The following OTUD7A variants were observed in gnomAD, a reference collection of about 807,000 sequenced individuals.
The protein encoded by OTUD7A is OTU domain-containing protein 7A.
OTUD7A carries 12 observed loss-of-function variants against 65.7 expected under a neutral mutation model. The ratio of observed to expected loss-of-function variants is 0.18; its 90% CI spans 0.12 to 0.30. OTUD7A has a LOEUF of 0.30. Among genes scored for constraint, OTUD7A ranks in the 10% least tolerant of loss-of-function variants. The pLI is 1.00. For synonymous variants in OTUD7A, 641 were observed against 586.3 expected (o/e 1.09, Z -1.35); for missense variants, 1,148 against 1,304.8 (o/e 0.88, Z 1.85).
intron 1 of OTUD7A, among the ~76,000 whole-genome samples, chr15:31,791,167 C>T (rs1172712294): frequency 2.0e-5 from 3 of 152,146 alleles, no homozygotes; most frequent in Non-Finnish European, 4.4e-5. Flanking sequence ...GCTGGGACTA[C>T]AGGTACATGC....
intron 3 of OTUD7A, among the ~76,000 whole-genome samples, chr15:31,616,092 C>G (rs564668787): frequency 3.3e-5 from 5 of 152,356 alleles, no homozygotes; most frequent in East Asian, 1.9e-4. Context: ...AACCTCTTAG[C>G]TGCAGCGCAG....
chr15:31,801,237 C>T (rs1218985787), intron 1 of OTUD7A, among the ~76,000 whole-genome samples: 1 of 152,196 alleles, frequency 6.6e-6, no homozygotes, highest in Non-Finnish European at 1.5e-5. Context: ...CGGCCTCGAA[C>T]CCCAGGCAAC....
chr15:31,623,983 G>A (rs1355665001), intron 3 of OTUD7A, among the ~76,000 whole-genome samples: 3 of 152,196 alleles, frequency 2.0e-5, no homozygotes, highest in Non-Finnish European at 2.9e-5. Context: ...GTACAGTTAT[G>A]TTGTAATTTC....
At chr15:31,844,890 G>T (rs1897262062) in intron 1 of OTUD7A, among the ~76,000 whole-genome samples, 1 of 152,144 alleles carries the variant, frequency 6.6e-6, no homozygotes, top group African/African-American at 2.4e-5. Flanking sequence ...ACTGCCTCGG[G>T]GACCATTCCC....
chr15:31,793,320 A>C (rs535762083), intron 1 of OTUD7A, among the ~76,000 whole-genome samples: 2 of 152,116 alleles, frequency 1.3e-5, no homozygotes, highest in Admixed American at 6.5e-5. Flanking sequence ...GTGAAGGAGA[A>C]CCCCACACTG....
chr15:31,788,880 T>C (rs1210600344), intron 1 of OTUD7A, among the ~76,000 whole-genome samples: 1 of 152,194 alleles, frequency 6.6e-6, no homozygotes, highest in Non-Finnish European at 1.5e-5. Flanking sequence ...TAAGGCTTTA[T>C]TTTTAATGTT....
intron 3 of OTUD7A, among the ~76,000 whole-genome samples, chr15:31,593,065 A>C (rs1331310213): frequency 6.6e-6 from 1 of 151,196 alleles, no homozygotes; most frequent in African/African-American, 2.4e-5. Flanking sequence ...ATCAAGTATT[A>C]TGTACTGTAC....
At chr15:31,562,428 C>G (rs1888721030) in intron 4 of OTUD7A, among the ~76,000 whole-genome samples, 1 of 152,172 alleles carries the variant, frequency 6.6e-6, no homozygotes, top group African/African-American at 2.4e-5. Context: ...TGCCGTTATG[C>G]ACACTAGCTG....
At chr15:31,593,201 T>C (rs960641851) in intron 3 of OTUD7A, among the ~76,000 whole-genome samples, 1 of 151,962 alleles carries the variant, frequency 6.6e-6, no homozygotes, top group Non-Finnish European at 1.5e-5. Flanking sequence ...ACTGTAACCT[T>C]ATGGGACCAC....
At chr15:31,834,244 C>T (rs181161769) in intron 1 of OTUD7A, among the ~76,000 whole-genome samples, 5 of 152,258 alleles carry the variant, frequency 3.3e-5, no homozygotes, top group Non-Finnish European at 5.9e-5. Context: ...TTGGAGTTCA[C>T]GGTGCAATTC....
At chr15:31,492,152 C>T (rs1435088907) in intron 10 of OTUD7A, among the ~76,000 whole-genome samples, 1 of 152,082 alleles carries the variant, frequency 6.6e-6, no homozygotes, top group Non-Finnish European at 1.5e-5. Context: ...GGCAGCAGTG[C>T]ATTATGAATT....
chr15:31,485,303 C>G (rs144507118), intron 12 of OTUD7A, among the ~76,000 whole-genome samples: 4 of 152,242 alleles, frequency 2.6e-5, no homozygotes, highest in Admixed American at 1.3e-4. Flanking sequence ...TTGCACTCAA[C>G]CTCATTCATC....
At chr15:31,646,371 G>A (rs1891664729) in intron 3 of OTUD7A, among the ~76,000 whole-genome samples, 1 of 152,032 alleles carries the variant, frequency 6.6e-6, no homozygotes, top group Non-Finnish European at 1.5e-5. Flanking sequence ...GAATACGGCT[G>A]GCTTTCCAGA....
intron 1 of OTUD7A, among the ~76,000 whole-genome samples, chr15:31,746,411 T>C (rs1347014457): frequency 2.0e-5 from 3 of 151,492 alleles, no homozygotes; most frequent in Non-Finnish European, 4.4e-5. Context: ...TATTCAATGA[T>C]AAAAAAAGAA....
At chr15:31,859,171 C>G (rs1248808484) in intron 1 of OTUD7A, among the ~76,000 whole-genome samples, 2 of 152,180 alleles carry the variant, frequency 1.3e-5, no homozygotes, top group Non-Finnish European at 2.9e-5. Flanking sequence ...GTTTGTTTTA[C>G]TAACAAAATT....
In OTUD7A at chr15:31,570,165, C is replaced by T. The variant is rs1355082202; in HGVS notation, c.184G>A (p.Asp62Asn). The T allele has an allele frequency of 1.2e-6, 2 of 1,614,158 alleles. No individual in the cohort carries two copies. Among genetic ancestry groups the T allele is most frequent in the Non-Finnish European group, 1.7e-6 (2 of 1,180,036 alleles). The change falls in exon 4 of 13, where the codon GAC becomes AAC. Residue 62 changes from aspartate to asparagine, a missense_variant. By Grantham distance (23) the Asp-to-Asn change is conservative (BLOSUM62 1). Around this residue, in one of 6 missense-constraint regions of OTUD7A, gnomAD observed 38 missense variants for 85.7 expected, o/e 0.44. Transcript: ENST00000307050. ...KNWDLTAALS[D>N]YEQLRQVHTA... ...TGCACCTGGCGGAGCTGCTCATAGT[C>T]GCTCAGAGCGGCTGTCAGGTCCCAG... is the stretch of plus-strand genomic sequence containing the variant.
At chr15:31,767,434 C>A (rs1895119875) in intron 1 of OTUD7A, 7 of 774,310 alleles carry the variant, frequency 9.0e-6, no homozygotes, top group Non-Finnish European at 1.4e-5. Context: ...TTATTCATAT[C>A]ATTGCTTCTT....
intron 5 of OTUD7A, chr15:31,557,865 A>G (rs1451127365): frequency 6.6e-6 from 1 of 152,066 alleles, no homozygotes; most frequent in Admixed American, 6.6e-5. Context: ...GCACCGAGAA[A>G]AGCTCTACTC....
chr15:31,753,777 AT>A (rs1414442120), intron 1 of OTUD7A, among the ~76,000 whole-genome samples: 2 of 145,640 alleles, frequency 1.4e-5, no homozygotes, highest in African/African-American at 5.0e-5. Flanking sequence ...ATTGATAGGC[AT>A]TTGGATCAGT....
Sources: allele counts gnomAD v4.1 joint callset (sites outside exome capture counted in the v4.1 genomes callset), GRCh38; gene constraint gnomAD v4.1.1; regional missense constraint gnomAD v4.1.1; transcripts MANE v1.5; gene names NCBI Gene and HGNC (gene_info 2026-07-23, HGNC 2026-07-21).